GPD2: variants seen among roughly 807,000 people sequenced by gnomAD.
The protein encoded by GPD2 is glycerol-3-phosphate dehydrogenase, mitochondrial.
GPD2 carries 54 observed loss-of-function variants against 82.4 expected under a neutral mutation model. The observed-to-expected ratio is 0.66, with a 90% CI of 0.53 to 0.82. The LOEUF is 0.82. Among genes scored for constraint, GPD2 ranks in the 40% least tolerant of loss-of-function variants. The probability of loss-of-function intolerance (pLI) is 0.00; values close to 1 mark genes in which losing one functional copy is unlikely to be tolerated. For synonymous variants in GPD2, 288 were observed against 306.1 expected (o/e 0.94, Z 0.62); for missense variants, 748 against 896.2 (o/e 0.83, Z 2.11).
intron 6 of GPD2, among the ~76,000 whole-genome samples, chr2:156,516,643 C>T (rs1176728934): frequency 2.0e-5 from 3 of 152,172 alleles, no homozygotes; most frequent in African/African-American, 7.2e-5. Flanking sequence ...CAAGGTCTCC[C>T]TGTATTGCCT....
At chr2:156,437,357 G>A (rs768594805) in intron 1 of GPD2, among the ~76,000 whole-genome samples, 1 of 152,150 alleles carries the variant, frequency 6.6e-6, no homozygotes, top group Non-Finnish European at 1.5e-5. Context: ...TCTTTTTGGC[G>A]TGTGGACGGT....
intron 16 of GPD2, among the ~76,000 whole-genome samples, chr2:156,581,338 A>C (rs1158215667): frequency 6.6e-6 from 1 of 152,060 alleles, no homozygotes; most frequent in Admixed American, 6.6e-5. Flanking sequence ...TGGTTTCTAG[A>C]TACATGTAGT....
chr2:156,475,751 A>T (rs1338898688), intron 1 of GPD2, among the ~76,000 whole-genome samples: 1 of 152,220 alleles, frequency 6.6e-6, no homozygotes, highest in Non-Finnish European at 1.5e-5. Flanking sequence ...GAGCAAATTT[A>T]CAAGTATAGC....
chr2:156,575,215 G>A (rs185801953), intron 13 of GPD2, among the ~76,000 whole-genome samples: 1 of 152,110 alleles, frequency 6.6e-6, no homozygotes, highest in East Asian at 1.9e-4. Flanking sequence ...AAAAACGAGA[G>A]GAGAGAAAAA....
intron 9 of GPD2, among the ~76,000 whole-genome samples, chr2:156,562,232 T>C (rs1358778446): frequency 6.6e-6 from 1 of 152,164 alleles, no homozygotes; most frequent in Non-Finnish European, 1.5e-5. Context: ...ACATAGGCAA[T>C]TAGTAGTGTT....
chr2:156,513,536 T>G, intron 6 of GPD2, 40 bp downstream of exon 6: 1 of 1,494,860 alleles, frequency 6.7e-7, no homozygotes, highest in Non-Finnish European at 9.3e-7. Flanking sequence ...CAAGATACTT[T>G]TCTCTCACTC....
chr2:156,493,926 A>AAG (rs1684272977), intron 2 of GPD2, among the ~76,000 whole-genome samples: 1 of 136,224 alleles, frequency 7.3e-6, no homozygotes, highest in Non-Finnish European at 1.6e-5. Flanking sequence ...ATATATATGT[A>AAG]TGTGTGTGTG....
chr2:156,540,908 A>G (rs1362427580), intron 6 of GPD2, among the ~76,000 whole-genome samples: 1 of 152,262 alleles, frequency 6.6e-6, no homozygotes, highest in Non-Finnish European at 1.5e-5. Flanking sequence ...TGCCAGATTG[A>G]TGAGCAATAA....
At chr2:156,427,934 T>C in the GPD2 span, among the ~76,000 whole-genome samples, 2 of 152,214 alleles carry the variant, frequency 1.3e-5, no homozygotes, top group East Asian at 3.8e-4. Flanking sequence ...TCTGTATTCA[T>C]GGTCACTCTG....
At chr2:156,407,137 A>G in the GPD2 span, among the ~76,000 whole-genome samples, 2 of 152,292 alleles carry the variant, frequency 1.3e-5, no homozygotes, top group South Asian at 2.1e-4. Flanking sequence ...TCTTGAACCC[A>G]GGAGGTGGAG....
Position 156,583,177 on chromosome 2 carries a change from G to A in GPD2, c.*259G>A, listed in dbSNP as rs1259240045. On this transcript the variant is annotated 3_prime_UTR_variant, in exon 17 of 17. Coordinates refer to ENST00000438166, the MANE Select transcript of GPD2 (RefSeq NM_000408.5). ...TTCAATGCACATTAGTTTTGCATCT[G>A]TTTTGTGACCTGTTAGATGTGACAC... is the stretch of plus-strand genomic sequence containing the variant. The A allele has an allele frequency of 4.5e-6, 2 of 439,782 alleles. No individual in the cohort carries two copies. The highest frequency in any genetic ancestry group is 4.0e-5 in the African/African-American group (2 of 49,646). The allele number at this position is 439,782 out of a possible 1,614,324, so 27.2% of individuals were successfully genotyped here. A position where few individuals can be genotyped will look rare whatever the true frequency, so the allele number is the denominator to read the frequency against.
chr2:156,466,641 A>G (rs912634339), intron 1 of GPD2, among the ~76,000 whole-genome samples: 2 of 152,204 alleles, frequency 1.3e-5, no homozygotes, highest in African/African-American at 2.4e-5. Context: ...CTCCCTTTCA[A>G]TGCATTTTTT....
chr2:156,454,459 C>A (rs370915448), intron 1 of GPD2, among the ~76,000 whole-genome samples: 2 of 150,404 alleles, frequency 1.3e-5, no homozygotes, highest in East Asian at 3.9e-4. Context: ...AGTTCTATAC[C>A]AGCCAGGGCA....
At chr2:156,568,983 T>C (rs767097884) in intron 10 of GPD2, 24 bp downstream of exon 10, 1 of 1,533,050 alleles carries the variant, frequency 6.5e-7, no homozygotes, top group Non-Finnish European at 8.8e-7. Flanking sequence ...CCTTGTTATT[T>C]TCTTTTCTTT....
chr2:156,553,622 CT>C (rs1169327966), intron 8 of GPD2, among the ~76,000 whole-genome samples: 1 of 152,122 alleles, frequency 6.6e-6, no homozygotes, highest in Non-Finnish European at 1.5e-5. Context: ...TCCCCCAGTT[CT>C]TCTCTGGTAA....
Position 156,585,678 on chromosome 2 carries a change from A to C in GPD2, c.*2760A>C, listed in dbSNP as rs1574029811. The C allele has an allele frequency of 2.6e-5, 4 of 152,572 alleles. No homozygotes were observed. The South Asian group carries it at 8.3e-4, about 32-fold the overall frequency. The allele number at this position is 152,572 out of a possible 1,614,324, so 9.5% of individuals were successfully genotyped here. A position where few individuals can be genotyped will look rare whatever the true frequency, so the allele number is the denominator to read the frequency against. ...TAGCTTCCTCTTTTGTACAACAAAA[A>C]ACTCATTCTCACTTTTACTAAATAT... On this transcript the variant is annotated 3_prime_UTR_variant, in exon 17 of 17. Coordinates refer to ENST00000438166, the MANE Select transcript of GPD2 (RefSeq NM_000408.5).
chr2:156,456,570 T>TG (rs372279830), intron 1 of GPD2, among the ~76,000 whole-genome samples: 4 of 151,728 alleles, frequency 2.6e-5, no homozygotes, highest in African/African-American at 9.7e-5. Context: ...CGCTCCAGCC[T>TG]GGGCAACGGA....
In GPD2 at chr2:156,557,467, G is replaced by A. The variant is rs371381240; in HGVS notation, c.1050G>A (p.Thr350=). 33 of 1,606,156 alleles carry A rather than the reference G, an allele frequency of 2.1e-5. No individual in the cohort carries two copies. The highest frequency in any genetic ancestry group is 1.6e-4 in the Middle Eastern group (1 of 6,068). Residue 350 remains threonine (T), a synonymous_variant, in exon 9 of 17, where the codon ACG becomes ACA. Coordinates refer to ENST00000438166, the MANE Select transcript of GPD2 (RefSeq NM_000408.5). ...TCTTCTTACCCTGGCAAAAGATGAC[G>A]ATCGCTGGCACTACTGATACTCCAA... ...VIFFLPWQKM[T]IAGTTDTPTD...
At chr2:156,444,496 T>C (rs1374577590) in intron 1 of GPD2, among the ~76,000 whole-genome samples, 1 of 152,126 alleles carries the variant, frequency 6.6e-6, no homozygotes, top group East Asian at 1.9e-4. Flanking sequence ...GTGGATTGCT[T>C]GAGGCCAGGA....
Sources: gnomAD v4.1 joint callset for allele counts (sites outside exome capture counted in the v4.1 genomes callset) on GRCh38, gnomAD v4.1.1 for gene constraint, MANE v1.5 for transcripts, NCBI Gene and HGNC (gene_info 2026-07-23, HGNC 2026-07-21) for gene names.